Variants in MYO18A observed in about 807,000 individuals in gnomAD.
MYO18A encodes myosin XVIIIA.
MYO18A carries 78 observed loss-of-function variants against 235.8 expected under a neutral mutation model. The observed-to-expected ratio is 0.33, with a 90% CI of 0.28 to 0.40. The LOEUF (loss-of-function observed/expected upper bound fraction) is 0.40, where lower values mean the gene tolerates loss of function less well. Among genes scored for constraint, MYO18A ranks in the 10% least tolerant of loss-of-function variants. MYO18A has a pLI of 1.00. For synonymous variants in MYO18A, 977 were observed against 1,077.8 expected (o/e 0.91, Z 1.83); for missense variants, 2,215 against 2,699.3 (o/e 0.82, Z 3.98).
intron 39 of MYO18A, among the ~76,000 whole-genome samples, chr17:29,086,091 T>C (rs567280279): frequency 3.7e-4 from 56 of 152,214 alleles, no homozygotes; most frequent in Non-Finnish European, 6.8e-4. Flanking sequence ...ATCTCTGGCA[T>C]AGTAACAAGG....
At chr17:29,147,143 A>G (rs2067864653) in intron 2 of MYO18A, among the ~76,000 whole-genome samples, 1 of 152,148 alleles carries the variant, frequency 6.6e-6, no homozygotes, top group African/African-American at 2.4e-5. Context: ...CTCCTTACAC[A>G]CCACCACCTG....
chr17:29,168,608 G>A (rs1244670175), intron 1 of MYO18A, among the ~76,000 whole-genome samples: 2 of 152,094 alleles, frequency 1.3e-5, no homozygotes, highest in African/African-American at 2.4e-5. Flanking sequence ...AACCAAGCAG[G>A]GCCCTCCGGG....
chr17:29,104,333 T>C (rs2066728517), intron 20 of MYO18A, among the ~76,000 whole-genome samples: 1 of 152,102 alleles, frequency 6.6e-6, no homozygotes, highest in Admixed American at 6.5e-5. Context: ...GCAGCAGGTG[T>C]TAAGGAGACA....
At chr17:29,148,930 G>T (rs755971008) in intron 2 of MYO18A, among the ~76,000 whole-genome samples, 2 of 152,202 alleles carry the variant, frequency 1.3e-5, no homozygotes, top group East Asian at 1.9e-4. Context: ...TTGGCCCACC[G>T]GCCAGCCGGA....
intron 2 of MYO18A, among the ~76,000 whole-genome samples, chr17:29,142,765 A>G (rs566729401): frequency 6.6e-6 from 1 of 152,378 alleles, no homozygotes; most frequent in Admixed American, 6.5e-5. Flanking sequence ...TCTTGCATGA[A>G]GTAAACTACA....
intron 1 of MYO18A, among the ~76,000 whole-genome samples, chr17:29,178,214 T>A (rs1175196688): frequency 6.6e-6 from 1 of 151,998 alleles, no homozygotes; most frequent in East Asian, 1.9e-4. Context: ...AGGAAGGGCA[T>A]AACCCACATG....
At chr17:29,091,883 G>A (rs549425220) in intron 34 of MYO18A, 144 of 323,342 alleles carry the variant, frequency 4.5e-4, no homozygotes, top group African/African-American at 3.0e-3. Flanking sequence ...CGTGGGAGAG[G>A]TGGGAAATTA....
At position 29,098,445 on chromosome 17, in the gene MYO18A, C is replaced by T; in HGVS notation, c.3781G>A (p.Glu1261Lys). ...LSEEQIRNKD[E>K]EIQQLRSKLE... ...TTGCTCCGCAGCTGCTGGATCTCCT[C>T]CTAGGGTGGACCAAAGAGGGCAAAG... Residue 1261 changes from glutamate (E) to lysine (K), a missense_variant and splice_region_variant, in exon 24 of 42, where the codon GAG becomes AAG. Coordinates refer to ENST00000527372, the MANE Select transcript of MYO18A (RefSeq NM_078471.4). The T allele has an allele frequency of 3.1e-6, 5 of 1,613,770 alleles. No homozygotes were observed. Among genetic ancestry groups the T allele is most frequent in the Non-Finnish European group, 4.2e-6 (5 of 1,179,818 alleles).
chr17:29,102,509 G>A (rs1364947789), intron 21 of MYO18A, among the ~76,000 whole-genome samples: 2 of 152,190 alleles, frequency 1.3e-5, no homozygotes, highest in Non-Finnish European at 2.9e-5. Flanking sequence ...CAGACACAGA[G>A]GTAGACAAAG....
chr17:29,134,197 G>T (rs1361468053), intron 2 of MYO18A, among the ~76,000 whole-genome samples: 1 of 151,866 alleles, frequency 6.6e-6, no homozygotes, highest in Non-Finnish European at 1.5e-5. Flanking sequence ...TGCCTCCCGG[G>T]TTCAAGTGAT....
intron 21 of MYO18A, among the ~76,000 whole-genome samples, chr17:29,101,909 T>C (rs183817097): frequency 6.6e-6 from 1 of 152,268 alleles, no homozygotes; most frequent in Admixed American, 6.5e-5. Context: ...AACACATTCA[T>C]ACAAATTTTA....
At position 29,103,678 on chromosome 17, in the gene MYO18A, CCT is replaced by C; in HGVS notation, c.3442-16_3442-15del. 6.2e-7 allele frequency: 1 copy of C among 1,613,554 alleles called. No homozygotes were observed. The highest frequency in any genetic ancestry group is 1.1e-5 in the South Asian group (1 of 91,078). On this transcript the variant is annotated splice_polypyrimidine_tract_variant and intron_variant, in intron 20 of 41. Transcript: ENST00000527372. Reference sequence around the variant, plus strand: ...CTCCTCCACTGCCTGTGGAGAGAGGCCTCTGTCAGGCAGCCCGCCTGGGCCTC... The same window carrying C: ...CTCCTCCACTGCCTGTGGAGAGAGGCCTGTCAGGCAGCCCGCCTGGGCCTC...
Position 29,149,646 on chromosome 17 carries a change from G to C in MYO18A, c.999+16296C>G, listed in dbSNP as rs184560864. On this transcript the variant is annotated intron_variant, in intron 2 of 41. Coordinates refer to ENST00000527372, the MANE Select transcript of MYO18A (RefSeq NM_078471.4). ...CCCCAAAGACTAGGCAGGCATATGC[G>C]GCCGACTGCAGGGACCACCTGACTG... Among the ~76,000 whole-genome samples, 366 of 152,368 alleles carry C rather than the reference G, an allele frequency of 2.4e-3. 3 individuals are homozygous for C. In the Middle Eastern group the frequency reaches 0.031, roughly 13 times the overall value.
chr17:29,116,587 C>T, intron 10 of MYO18A, 132 bp from the exon 11 acceptor site: 1 of 793,208 alleles, frequency 1.3e-6, no homozygotes, highest in South Asian at 1.5e-5. Flanking sequence ...CAAGAAAACA[C>T]AACCACAGTC....
rs893739020 is a variant in MYO18A, at chr17:29,180,393, G to C, written c.-162C>G. The C allele has an allele frequency of 6.6e-6, 1 of 152,088 alleles. No individual in the cohort carries two copies. Among genetic ancestry groups the C allele is most frequent in the Non-Finnish European group, 1.5e-5 (1 of 68,000 alleles). 9.4% of individuals were successfully genotyped at this position (152,088 alleles called of 1,614,324 possible). A position where few individuals can be genotyped will look rare whatever the true frequency, so the allele number is the denominator to read the frequency against. On this transcript the variant is annotated 5_prime_UTR_variant, in exon 1 of 42. Transcript: ENST00000527372. This position sits in a 1 kb window ranked among gnomAD's most constrained non-coding sequence, Gnocchi z 6.1. ...CCTCGGCCCGGTCAGGGATGGAGCAGAGCGCAGCGCGGCGCAGCTCAGCGC... is the reference window on the plus strand; with the variant it reads ...CCTCGGCCCGGTCAGGGATGGAGCACAGCGCAGCGCGGCGCAGCTCAGCGC...
At position 29,166,159 on chromosome 17, in the gene MYO18A, G is replaced by A. The variant is rs1286873453; in HGVS notation, c.782C>T (p.Ala261Val). Residue 261 changes from alanine (A) to valine (V), a missense_variant, in exon 2 of 42, where the codon GCA (alanine) becomes GTA (valine). Ala to Val is a moderately conservative substitution (Grantham distance 64). Coordinates refer to ENST00000527372, the MANE Select transcript of MYO18A (RefSeq NM_078471.4). ...RRVVHFAEPG[A>V]GTKDLALGLV... Reference sequence around the variant, plus strand: ...CCCCAGGGCCAGGTCCTTGGTGCCTGCACCAGGCTCAGCAAAGTGGACCAC... The same window carrying A: ...CCCCAGGGCCAGGTCCTTGGTGCCTACACCAGGCTCAGCAAAGTGGACCAC... 3 of 1,613,052 alleles carry A rather than the reference G, an allele frequency of 1.9e-6. No individual in the cohort carries two copies. The highest frequency in any genetic ancestry group is 1.7e-6 in the Non-Finnish European group (2 of 1,179,882).
At chr17:29,146,140 C>T (rs2067843981) in intron 2 of MYO18A, among the ~76,000 whole-genome samples, 1 of 152,160 alleles carries the variant, frequency 6.6e-6, no homozygotes, top group Admixed American at 6.5e-5. Flanking sequence ...TGCCTGTAAT[C>T]CCAGCTACTC....
intron 41 of MYO18A, among the ~76,000 whole-genome samples, chr17:29,079,511 A>G (rs934442919): frequency 2.6e-5 from 4 of 152,234 alleles, no homozygotes; most frequent in Non-Finnish European, 5.9e-5. Context: ...GAGCTATGAC[A>G]TCACCAGCGA....
intron 41 of MYO18A, chr17:29,076,021 A>G (rs560788953): frequency 1.9e-5 from 3 of 157,958 alleles, no homozygotes; most frequent in East Asian, 3.9e-4. Context: ...TCTATCCCCA[A>G]ACCAAAATAG....
Sources: allele counts gnomAD v4.1 joint callset (sites outside exome capture counted in the v4.1 genomes callset), GRCh38; gene constraint gnomAD v4.1.1; non-coding constraint Gnocchi (gnomAD v3.1); transcripts MANE v1.5; gene names NCBI Gene and HGNC (gene_info 2026-07-23, HGNC 2026-07-21).